ACACA: variants seen among roughly 807,000 people sequenced by gnomAD.
ACACA encodes the protein acetyl-CoA carboxylase alpha.
Under a neutral mutation model 296.1 loss-of-function variants are expected in ACACA, and 103 were observed. The ratio of observed to expected loss-of-function variants is 0.35; its 90% confidence interval spans 0.30 to 0.41. The LOEUF (loss-of-function observed/expected upper bound fraction) is 0.41. Among genes scored for constraint, ACACA ranks in the 10% least tolerant of loss-of-function variants. The pLI, the probability that ACACA is intolerant of heterozygous loss-of-function variation, is 1.00. For synonymous variants in ACACA, 953 were observed against 1,038.6 expected, an observed-to-expected ratio of 0.92 and a Z score of 1.58; for missense variants, 1,554 against 2,989.7, an observed-to-expected ratio of 0.52 and a Z score of 11.20.
chr17:37,151,247 A>T, intron 44 of ACACA, 54 bp downstream of exon 44: 1 of 1,610,290 alleles, frequency 6.2e-7, no homozygotes, highest in Non-Finnish European at 8.5e-7. Context: ...AGAAAAAAAT[A>T]AACCTAGCCA....
At chr17:37,241,267 C>T (rs2080388211) in intron 23 of ACACA, among the ~76,000 whole-genome samples, 1 of 151,924 alleles carries the variant, frequency 6.6e-6, no homozygotes, top group South Asian at 2.1e-4. Flanking sequence ...ATAGCAACAA[C>T]CACAATTACT....
rs538383555 is a variant in ACACA at position 37,191,180 on chromosome 17, G to A, written c.4512C>T (p.Arg1504=). The A allele has an allele frequency of 6.2e-7, 1 of 1,614,108 alleles. No homozygotes were observed. The highest frequency in any genetic ancestry group is 1.3e-5 in the African/African-American group (1 of 75,028). ...LEVAFNNTNV[R]TDCNHIFLNF... ...TGAGGAAGATGTGGTTACAGTCAGT[G>A]CGGACATTTGTATTGTTAAAAGCAA... The change falls in exon 38 of 56, where the codon CGC becomes CGT. Residue 1504 remains arginine, a synonymous_variant. Coordinates refer to ENST00000616317, the MANE Select transcript of ACACA (RefSeq NM_198834.3).
intron 3 of ACACA, among the ~76,000 whole-genome samples, chr17:37,321,189 T>C (rs2047339555): frequency 6.6e-6 from 1 of 152,176 alleles, no homozygotes; most frequent in South Asian, 2.1e-4. Context: ...AGATAGGCCT[T>C]CTCTCACTAT....
intron 47 of ACACA, among the ~76,000 whole-genome samples, chr17:37,128,325 G>A (rs2074925175): frequency 6.6e-6 from 1 of 152,084 alleles, no homozygotes; most frequent in South Asian, 2.1e-4. Context: ...TCTAAGAGAG[G>A]TCGTAAGTGC....
chr17:37,224,304 G>GA (rs1157496797), intron 27 of ACACA, among the ~76,000 whole-genome samples: 2 of 152,052 alleles, frequency 1.3e-5, no homozygotes, highest in African/African-American at 2.4e-5. Flanking sequence ...AACCAAATAA[G>GA]AAAAAACATC....
At position 37,353,617 on chromosome 17, in the gene ACACA, C is replaced by T. The variant is rs543854589; in HGVS notation, c.39-13767G>A. Among the ~76,000 whole-genome samples the T allele has an allele frequency of 2.3e-4, 25 of 109,040 alleles. 1 individual carries two copies. The highest frequency in any genetic ancestry group is 8.7e-4 in the African/African-American group (24 of 27,678). The allele number at this position is 109,040 out of a possible 152,430, so 71.5% of individuals were successfully genotyped here. A position where few individuals can be genotyped will look rare whatever the true frequency, so the allele number is the denominator to read the frequency against. On this transcript the variant is annotated intron_variant, in intron 1 of 55. Coordinates refer to ENST00000616317, the MANE Select transcript of ACACA (RefSeq NM_198834.3). ...TCACGTCACTGTACTCCAGCCTAGG[C>T]GACAGAGCAAGACTCCGTCTAAAAA...
Position 37,296,301 on chromosome 17 carries a change from C to CTT in ACACA, c.339-11333_339-11332dup, listed in dbSNP as rs369893845. On this transcript the variant is annotated intron_variant, in intron 3 of 55. Coordinates refer to ENST00000616317, the MANE Select transcript of ACACA (RefSeq NM_198834.3). ...AAGGGGAAAGGCAGATCTTTGGAGC[C>CTT]TTTTTTTTTTTTTTTTTTTTTTGAG... Among the ~76,000 whole-genome samples, 958 of 100,282 alleles carry CTT rather than the reference C, an allele frequency of 9.6e-3. 12 individuals are homozygous for CTT. Among genetic ancestry groups the CTT allele is most frequent in the African/African-American group, 0.027 (627 of 23,188 alleles). The allele number at this position is 100,282 out of a possible 152,430, so 65.8% of individuals were successfully genotyped here. A position where few individuals can be genotyped will look rare whatever the true frequency, so the allele number is the denominator to read the frequency against.
chr17:37,271,384 G>T (rs777941460), intron 9 of ACACA, among the ~76,000 whole-genome samples: 1 of 152,058 alleles, frequency 6.6e-6, no homozygotes, highest in Non-Finnish European at 1.5e-5. Flanking sequence ...GTGTGATGGC[G>T]CATGCCTGTA....
At chr17:37,217,760 A>C (rs1014333770) in intron 29 of ACACA, among the ~76,000 whole-genome samples, 22 of 133,360 alleles carry the variant, frequency 1.6e-4, no homozygotes, top group Admixed American at 2.9e-4. Flanking sequence ...AAAAAAAAAA[A>C]AAAACAACCT....
At chr17:37,313,922 T>A (rs972345722) in intron 3 of ACACA, among the ~76,000 whole-genome samples, 7 of 152,172 alleles carry the variant, frequency 4.6e-5, no homozygotes, top group Admixed American at 4.6e-4. Context: ...ATTACAGCAC[T>A]ATTCACAATG....
intron 38 of ACACA, among the ~76,000 whole-genome samples, chr17:37,190,404 G>A (rs1598120355): frequency 6.6e-6 from 1 of 151,834 alleles, no homozygotes; most frequent in East Asian, 1.9e-4. Context: ...CTTCAGCCTG[G>A]GCAACAGAGC....
At chr17:37,090,462 T>C (rs1355329912) in intron 54 of ACACA, among the ~76,000 whole-genome samples, 3 of 152,178 alleles carry the variant, frequency 2.0e-5, no homozygotes, top group Non-Finnish European at 4.4e-5. Context: ...CTGACTCAAA[T>C]GTGCCCAGTT....
At chr17:37,197,753 T>A (rs1483660524) in intron 35 of ACACA, among the ~76,000 whole-genome samples, 1 of 152,220 alleles carries the variant, frequency 6.6e-6, no homozygotes, top group Non-Finnish European at 1.5e-5. Flanking sequence ...GGTTTAATAG[T>A]TGCCCTTGCA....
intron 37 of ACACA, among the ~76,000 whole-genome samples, chr17:37,191,625 G>T (rs2077755071): frequency 6.6e-6 from 1 of 152,148 alleles, no homozygotes; most frequent in Admixed American, 6.5e-5. Flanking sequence ...ACGGCTATGG[G>T]ATATAATAAT....
intron 3 of ACACA, among the ~76,000 whole-genome samples, chr17:37,329,222 G>A (rs1310716087): frequency 6.6e-6 from 1 of 152,152 alleles, no homozygotes; most frequent in African/African-American, 2.4e-5. Flanking sequence ...TTACTACGAA[G>A]TTGACAACAC....
intron 48 of ACACA, among the ~76,000 whole-genome samples, chr17:37,123,742 A>T (rs962092807): frequency 2.0e-5 from 3 of 152,234 alleles, no homozygotes; most frequent in Admixed American, 2.0e-4. Context: ...GACAACGAGC[A>T]GGAGATACAC....
At position 37,097,411 on chromosome 17, in the gene ACACA, A is replaced by C. The variant is rs2142721389; in HGVS notation, c.6721-245T>G. On this transcript the variant is annotated intron_variant, in intron 53 of 55. Coordinates refer to ENST00000616317, the MANE Select transcript of ACACA (RefSeq NM_198834.3). The surrounding 1 kb of genome is among the most constrained non-coding windows in gnomAD (Gnocchi z 4.8). Reference sequence around the variant, plus strand: ...AATGCTGATCCCACACATGGCTGAGATGTTCTGGGGAAGAGGCTGTGAGTT... The same window carrying C: ...AATGCTGATCCCACACATGGCTGAGCTGTTCTGGGGAAGAGGCTGTGAGTT... Among the ~76,000 whole-genome samples, 1 of 152,324 alleles carries C rather than the reference A, an allele frequency of 6.6e-6. No individual in the cohort carries two copies. Among genetic ancestry groups the C allele is most frequent in the Non-Finnish European group, 1.5e-5 (1 of 68,030 alleles).
intron 1 of ACACA, among the ~76,000 whole-genome samples, chr17:37,390,276 A>AATT (rs2050776884): frequency 3.3e-5 from 2 of 60,662 alleles, no homozygotes; most frequent in Admixed American, 3.0e-4. Context: ...TATATAATAT[A>AATT]TTATATATAA....
intron 35 of ACACA, among the ~76,000 whole-genome samples, chr17:37,199,635 T>G (rs2078158212): frequency 6.6e-6 from 1 of 152,184 alleles, no homozygotes; most frequent in African/African-American, 2.4e-5. Flanking sequence ...AAATCATTGT[T>G]CTTTAGAATT....
Sources: allele counts gnomAD v4.1 joint callset (sites outside exome capture counted in the v4.1 genomes callset), GRCh38; gene constraint gnomAD v4.1.1; non-coding constraint Gnocchi (gnomAD v3.1); transcripts MANE v1.5; gene names NCBI Gene and HGNC (gene_info 2026-07-23, HGNC 2026-07-21).